The following COL22A1 variants were observed in gnomAD, a reference collection of about 807,000 sequenced individuals.
COL22A1 encodes collagen type XXII alpha 1 chain.
In COL22A1, 221 loss-of-function variants were observed where a neutral mutation model predicts 248.9. That is an observed-to-expected ratio of 0.89 (90% CI 0.80 to 0.99). The LOEUF (loss-of-function observed/expected upper bound fraction) is 0.99, where lower values mean the gene tolerates loss of function less well. Among genes scored for constraint, COL22A1 ranks in the 50% least tolerant of loss-of-function variants. The pLI, the probability that COL22A1 is intolerant of heterozygous loss-of-function variation, is 0.00. For missense variants in COL22A1, 2,240 were observed against 2,179.0 expected, an observed-to-expected ratio of 1.03 and a Z score of -0.56; for synonymous variants, 891 against 793.4, an observed-to-expected ratio of 1.12 and a Z score of -2.07.
At position 138,796,389 on chromosome 8, in the gene COL22A1, C is replaced by CTTTTTTTTTTTTTTTTTTTTTTTTTTTT. The variant is rs11284610; in HGVS notation, c.1596+402_1596+429dup. On this transcript the variant is annotated intron_variant, in intron 12 of 64. Transcript: ENST00000303045. Reference sequence around the variant, plus strand: ...TTTTTTTCTCTTGCTTGCTACTTTCCTTTTTTTTTTTTTTTTTTTTTTTTT... The same window carrying CTTTTTTTTTTTTTTTTTTTTTTTTTTTT: ...TTTTTTTCTCTTGCTTGCTACTTTCCTTTTTTTTTTTTTTTTTTTTTTTTTTTTTTTTTTTTTTTTTTTTTTTTTTTTT... Among the ~76,000 whole-genome samples the CTTTTTTTTTTTTTTTTTTTTTTTTTTTT allele has an allele frequency of 3.0e-4, 8 of 26,312 alleles. 1 individual carries two copies. Among genetic ancestry groups the CTTTTTTTTTTTTTTTTTTTTTTTTTTTT allele is most frequent in the African/African-American group, 6.7e-4 (5 of 7,460 alleles). The allele number at this position is 26,312 out of a possible 152,430, so 17.3% of individuals were successfully genotyped here.
intron 48 of COL22A1, among the ~76,000 whole-genome samples, chr8:138,635,475 A>AACACAATGT (rs1483593323): frequency 2.6e-5 from 4 of 152,236 alleles, no homozygotes; most frequent in Non-Finnish European, 1.5e-5. Flanking sequence ...AATGCACAGA[A>AACACAATGT]ACACAATGTA....
chr8:138,675,023 T>G (rs1825399777), intron 41 of COL22A1, among the ~76,000 whole-genome samples: 1 of 152,218 alleles, frequency 6.6e-6, no homozygotes, highest in South Asian at 2.1e-4. Flanking sequence ...GGAAAACAGT[T>G]TAACCAAACT....
chr8:138,694,749 T>C, intron 33 of COL22A1, 77 bp downstream of exon 33: 2 of 1,546,274 alleles, frequency 1.3e-6, no homozygotes, highest in Non-Finnish European at 1.8e-6. Flanking sequence ...ACGGTGCAGA[T>C]CTACAGCTGG....
chr8:138,908,521 T>TA (rs1815196618), intron 1 of COL22A1, among the ~76,000 whole-genome samples: 1 of 152,248 alleles, frequency 6.6e-6, no homozygotes, highest in Admixed American at 6.5e-5. Flanking sequence ...TGGCAGTCTG[T>TA]AATTTTTGTT....
intron 22 of COL22A1, among the ~76,000 whole-genome samples, chr8:138,743,762 C>T (rs557083108): frequency 4.6e-5 from 7 of 152,076 alleles, no homozygotes; most frequent in Non-Finnish European, 1.0e-4. Flanking sequence ...TGTAATTTAT[C>T]AAGAGGGCAG....
At chr8:138,594,303 G>T (rs1817343205) in intron 62 of COL22A1, 104 bp from the exon 63 acceptor site, 1 of 942,562 alleles carries the variant, frequency 1.1e-6, no homozygotes, top group Non-Finnish European at 1.5e-6. Context: ...GATAATAGCT[G>T]CAGAAACGGA....
At chr8:138,849,875 C>G (rs1821503475) in intron 3 of COL22A1, among the ~76,000 whole-genome samples, 1 of 152,180 alleles carries the variant, frequency 6.6e-6, no homozygotes, top group South Asian at 2.1e-4. Flanking sequence ...AATCTCTGCA[C>G]TGGAAGCCAC....
In COL22A1 at chr8:138,755,525, C is replaced by CA. The variant is rs778752223; in HGVS notation, c.1948-15dup. The CA allele has an allele frequency of 2.9e-5, 47 of 1,613,936 alleles. No individual in the cohort carries two copies. The highest frequency in any genetic ancestry group is 3.8e-5 in the Non-Finnish European group (45 of 1,179,936). ...CTCTTGCTGCACCTGAGAGACAAAG[C>CA]AAGCATTAGCAAAGGTGCTGGCATT... On this transcript the variant is annotated splice_polypyrimidine_tract_variant and intron_variant, in intron 19 of 64. Coordinates refer to ENST00000303045, the MANE Select transcript of COL22A1 (RefSeq NM_152888.3).
intron 50 of COL22A1, among the ~76,000 whole-genome samples, chr8:138,627,408 A>G (rs978109796): frequency 2.6e-5 from 4 of 152,208 alleles, no homozygotes; most frequent in African/African-American, 7.2e-5. Flanking sequence ...TTTGCATTAA[A>G]TGTTTGCTAA....
intron 22 of COL22A1, among the ~76,000 whole-genome samples, chr8:138,750,084 G>A (rs995960393): frequency 2.0e-5 from 3 of 152,164 alleles, no homozygotes; most frequent in African/African-American, 4.8e-5. Flanking sequence ...CCCTACACAA[G>A]CTCCCTCTTT....
chr8:138,685,298 T>A lies in COL22A1; in HGVS notation c.2877A>T (p.Glu959Asp), dbSNP rs535667291. 13 of 1,613,816 alleles carry A rather than the reference T, an allele frequency of 8.1e-6. No homozygotes were observed. In the South Asian group the frequency reaches 1.4e-4, roughly 18 times the overall value. ...GACCAACTGGCCCTGGGCTGCCTTC[T>A]TCCCCCGCTGCACCCTGGAAAGAAA... ...GERGEKGAAG[E>D]EGSPGPVGPR... Residue 959 changes from glutamate to aspartate, a missense_variant, in exon 38 of 65, where the codon GAA (glutamate) becomes GAT (aspartate). Glu to Asp is a conservative substitution (Grantham distance 45, BLOSUM62 2). Transcript: ENST00000303045.
At position 138,626,178 on chromosome 8, in the gene COL22A1, A is replaced by G. The variant is rs775115884; in HGVS notation, c.3717+12T>C. ...TTGTTTTTGTTTGTTTGTTTTTATA[A>G]AAGCCACTTACTGGGATTCCGGGTA... On this transcript the variant is annotated intron_variant, in intron 51 of 64. Coordinates refer to ENST00000303045, the MANE Select transcript of COL22A1 (RefSeq NM_152888.3). 7 of 1,584,328 alleles carry G rather than the reference A, an allele frequency of 4.4e-6. No individual in the cohort carries two copies. In the South Asian group the frequency reaches 8.2e-5, roughly 19 times the overall value.
intron 50 of COL22A1, 88 bp from the exon 51 acceptor site, chr8:138,626,331 T>C (rs983326839): frequency 7.7e-6 from 8 of 1,035,494 alleles, no homozygotes; most frequent in Admixed American, 3.9e-5. Context: ...CATTCATGGG[T>C]TGGGGGAGTG....
chr8:138,842,852 C>A (rs1235024844), intron 4 of COL22A1, among the ~76,000 whole-genome samples: 1 of 152,158 alleles, frequency 6.6e-6, no homozygotes, highest in Non-Finnish European at 1.5e-5. Context: ...GGTGCCCCAC[C>A]TCGAGAATAT....
chr8:138,817,862 C>A (rs1212010934), intron 7 of COL22A1, among the ~76,000 whole-genome samples: 1 of 152,152 alleles, frequency 6.6e-6, no homozygotes, highest in Non-Finnish European at 1.5e-5. Context: ...TCATTTTTCT[C>A]TTGTTACAGC....
At chr8:138,845,471 C>T (rs992434420) in intron 3 of COL22A1, among the ~76,000 whole-genome samples, 2 of 151,692 alleles carry the variant, frequency 1.3e-5, no homozygotes, top group African/African-American at 2.4e-5. Context: ...GCTGAGATCA[C>T]GCCACTGCAT....
At chr8:138,784,490 C>A (rs933023441) in intron 12 of COL22A1, among the ~76,000 whole-genome samples, 1 of 152,140 alleles carries the variant, frequency 6.6e-6, no homozygotes, top group African/African-American at 2.4e-5. Context: ...TGAGCCACTT[C>A]CCCATTTGGC....
intron 54 of COL22A1, 77 bp downstream of exon 54, chr8:138,616,837 G>T (rs1430993883): frequency 1.9e-6 from 3 of 1,551,248 alleles, no homozygotes; most frequent in Non-Finnish European, 2.7e-6. Flanking sequence ...ATGGCCTGCA[G>T]GCTGCAAGTA....
intron 3 of COL22A1, among the ~76,000 whole-genome samples, chr8:138,845,279 G>GACA (rs1563837059): frequency 3.8e-5 from 5 of 131,022 alleles, no homozygotes; most frequent in East Asian, 4.4e-4. Context: ...GGCCAAGACG[G>GACA]GGGGGGATCA....
Sources: allele counts gnomAD v4.1 joint callset (sites outside exome capture counted in the v4.1 genomes callset), GRCh38; gene constraint gnomAD v4.1.1; transcripts MANE v1.5; gene names NCBI Gene and HGNC (gene_info 2026-07-23, HGNC 2026-07-21).